Variants in MCPH1 observed in about 807,000 individuals in gnomAD.
MCPH1 encodes the protein microcephalin 1, also known as microcephalin.
A neutral mutation model predicts 84.5 loss-of-function variants in MCPH1; 104 were observed. That is an observed-to-expected ratio of 1.23 (90% CI 1.05 to 1.45). The LOEUF (loss-of-function observed/expected upper bound fraction) is 1.45, where lower values mean the gene tolerates loss of function less well. Ranked by LOEUF, MCPH1 falls within the 40% of genes most tolerant of loss-of-function variation. MCPH1 has a pLI of 0.00. For synonymous variants in MCPH1, 514 were observed against 366.8 expected, an observed-to-expected ratio of 1.40 and a Z score of -4.58; for missense variants, 1,498 against 1,005.7, an observed-to-expected ratio of 1.49 and a Z score of -6.62.
chr8:6,628,212 C>G (rs566330473), intron 13 of MCPH1, among the ~76,000 whole-genome samples: 3 of 151,904 alleles, frequency 2.0e-5, no homozygotes, highest in Admixed American at 6.6e-5. Flanking sequence ...GGCTCACTCC[C>G]GTCATCCCAG....
chr8:6,417,472 G>A (rs958669292), intron 3 of MCPH1, among the ~76,000 whole-genome samples: 51 of 152,212 alleles, frequency 3.4e-4, no homozygotes, highest in Admixed American at 9.1e-4. Context: ...CCTTTTAAAC[G>A]TTTGCATTTG....
chr8:6,634,684 G>T (rs1028923935), intron 13 of MCPH1, among the ~76,000 whole-genome samples: 11 of 152,290 alleles, frequency 7.2e-5, no homozygotes, highest in African/African-American at 2.6e-4. Flanking sequence ...GGCCTCTTGT[G>T]CTCGCTGCAG....
At position 6,623,545 on chromosome 8, in the gene MCPH1, A is replaced by G. The variant is rs149693950; in HGVS notation, c.2452+1854A>G. ...TAGATACTGTGTTTGTTCAAGTTAC[A>G]TTCGTATCTAACTACGGACATTTTA... On this transcript the variant is annotated intron_variant, in intron 13 of 13. Coordinates refer to ENST00000344683, the MANE Select transcript of MCPH1 (RefSeq NM_024596.5). 5.8e-3 allele frequency among the ~76,000 whole-genome samples: 884 copies of G among 152,254 alleles called. 6 individuals are homozygous for G. Among genetic ancestry groups the G allele is most frequent in the East Asian group, 0.024 (126 of 5,178 alleles).
intron 12 of MCPH1, 137 bp from the exon 13 acceptor site, chr8:6,621,317 A>G: frequency 2.6e-6 from 3 of 1,140,362 alleles, no homozygotes; most frequent in Admixed American, 3.7e-5. Context: ...CTCAGAATTC[A>G]AAATTCACAG....
chr8:6,534,472 T>A (rs1489242427), intron 12 of MCPH1, among the ~76,000 whole-genome samples: 1 of 152,132 alleles, frequency 6.6e-6, no homozygotes, highest in East Asian at 1.9e-4. Context: ...GCTCCAAGCA[T>A]GTGTAAAATC....
chr8:6,517,031 A>T (rs1816392011), intron 12 of MCPH1, among the ~76,000 whole-genome samples: 1 of 152,252 alleles, frequency 6.6e-6, no homozygotes, highest in African/African-American at 2.4e-5. Context: ...GAGGATTTGT[A>T]AAAACTGGAG....
chr8:6,597,993 G>A (rs910864821), intron 12 of MCPH1, among the ~76,000 whole-genome samples: 2 of 152,184 alleles, frequency 1.3e-5, no homozygotes, highest in Non-Finnish European at 2.9e-5. Context: ...CATGTCTGCT[G>A]AATAAACAGC....
chr8:6,632,866 T>C (rs7835077), intron 13 of MCPH1, among the ~76,000 whole-genome samples: 7,981 of 152,084 alleles, frequency 0.052, 699 homozygotes, highest in African/African-American at 0.18. Flanking sequence ...TCAAATTTGG[T>C]AGTGTGTTTT....
chr8:6,435,603 G>T (rs1318705304), intron 4 of MCPH1, among the ~76,000 whole-genome samples: 1 of 152,156 alleles, frequency 6.6e-6, no homozygotes, highest in African/African-American at 2.4e-5. Flanking sequence ...TAAGTGCTTA[G>T]GTTCTGCCCG....
chr8:6,609,829 C>CA (rs1554476371), intron 12 of MCPH1, among the ~76,000 whole-genome samples: 5 of 75,092 alleles, frequency 6.7e-5, no homozygotes, highest in Admixed American at 2.2e-4. Context: ...GCCCCCCCCC[C>CA]ACACACAGAC....
At chr8:6,412,962 G>A (rs1486245770) in intron 2 of MCPH1, among the ~76,000 whole-genome samples, 2 of 152,142 alleles carry the variant, frequency 1.3e-5, no homozygotes, top group Non-Finnish European at 2.9e-5. Flanking sequence ...TTCAAAGACA[G>A]CTACTTTCAA....
intron 11 of MCPH1, among the ~76,000 whole-genome samples, chr8:6,496,752 A>C (rs914755972): frequency 6.6e-6 from 1 of 152,176 alleles, no homozygotes; most frequent in East Asian, 1.9e-4. Context: ...CACAATCGTT[A>C]ATGCTTTCCA....
chr8:6,498,736 T>G (rs556880598), intron 11 of MCPH1, among the ~76,000 whole-genome samples: 162 of 152,322 alleles, frequency 1.1e-3, no homozygotes, highest in African/African-American at 3.8e-3. Context: ...AACCTTTTAT[T>G]TTCTGGTCTA....
chr8:6,624,963 C>T, intron 13 of MCPH1: 1 of 683,244 alleles, frequency 1.5e-6, no homozygotes, highest in South Asian at 6.6e-5. Context: ...GCAACCTTCA[C>T]CTCCTGGGTT....
chr8:6,643,681 C>T lies in MCPH1; in HGVS notation c.*632C>T, dbSNP rs1798074301. 1.3e-5 allele frequency: 2 copies of T among 155,150 alleles called. No individual in the cohort carries two copies. The highest frequency in any genetic ancestry group is 2.0e-4 in the South Asian group (1 of 5,078). The allele number at this position is 155,150 out of a possible 1,614,324, so 9.6% of individuals were successfully genotyped here. On this transcript the variant is annotated 3_prime_UTR_variant, in exon 14 of 14. Coordinates refer to ENST00000344683, the MANE Select transcript of MCPH1 (RefSeq NM_024596.5). ...AACTCTGCAAGTTTCTTGGCTTAGA[C>T]TCGATCTTTATTAATACATTATCTA... is the stretch of plus-strand genomic sequence containing the variant.
At chr8:6,413,878 C>T (rs1246018505) in intron 2 of MCPH1, among the ~76,000 whole-genome samples, 3 of 151,972 alleles carry the variant, frequency 2.0e-5, no homozygotes, top group African/African-American at 7.3e-5. Flanking sequence ...CCTCAGCCTC[C>T]CGAGTTGCTG....
At chr8:6,569,048 G>C (rs1372957286) in intron 12 of MCPH1, among the ~76,000 whole-genome samples, 1 of 152,180 alleles carries the variant, frequency 6.6e-6, no homozygotes, top group African/African-American at 2.4e-5. Context: ...GAGACATCTT[G>C]GCCATCCAAA....
intron 12 of MCPH1, among the ~76,000 whole-genome samples, chr8:6,600,246 A>C (rs1027836959): frequency 6.6e-6 from 1 of 152,234 alleles, no homozygotes; most frequent in Admixed American, 6.5e-5. Flanking sequence ...CTAGTGTGCT[A>C]CTTCTAATAG....
intron 1 of MCPH1, among the ~76,000 whole-genome samples, chr8:6,408,410 C>G (rs976328267): frequency 3.9e-5 from 6 of 152,002 alleles, no homozygotes; most frequent in African/African-American, 1.5e-4. Context: ...TTTGTAGAGC[C>G]AGGGTCTCAC....
Sources: gnomAD v4.1 joint callset for allele counts (sites outside exome capture counted in the v4.1 genomes callset) on GRCh38, gnomAD v4.1.1 for gene constraint, MANE v1.5 for transcripts, NCBI Gene and HGNC (gene_info 2026-07-23, HGNC 2026-07-21) for gene names.